The following SSH2 variants were observed in gnomAD, a reference collection of about 807,000 sequenced individuals.
SSH2 encodes the protein slingshot protein phosphatase 2.
In SSH2, 37 loss-of-function variants were observed where a neutral mutation model predicts 135.2. The ratio of observed to expected loss-of-function variants is 0.27; its 90% confidence interval spans 0.21 to 0.36. The LOEUF is 0.36. Ranked by LOEUF, SSH2 falls within the 10% of genes least tolerant of loss-of-function variation. The pLI, the probability that SSH2 is intolerant of heterozygous loss-of-function variation, is 1.00. For synonymous variants in SSH2, 628 were observed against 646.2 expected (o/e 0.97, Z 0.43); for missense variants, 1,408 against 1,765.3 (o/e 0.80, Z 3.63).
intron 3 of SSH2, among the ~76,000 whole-genome samples, chr17:29,758,290 C>T (rs2041193730): frequency 6.6e-6 from 1 of 152,132 alleles, no homozygotes. Flanking sequence ...CGGTTAAGGG[C>T]AGTGGCCTAG....
chr17:29,913,317 C>CA lies in SSH2; in HGVS notation c.63+16620dup, dbSNP rs1207663146. Among the ~76,000 whole-genome samples the CA allele has an allele frequency of 5.5e-3, 19 of 3,424 alleles. 6 individuals carry two copies. Among genetic ancestry groups the CA allele is most frequent in the Non-Finnish European group, 7.9e-3 (14 of 1,768 alleles). 2.2% of individuals were successfully genotyped at this position (3,424 alleles called of 152,430 possible). A position where few individuals can be genotyped will look rare whatever the true frequency, so the allele number is the denominator to read the frequency against. ...TGGGCGACAGAGCGAGACGCCATCTCAAAAAAAAAAAAAAAAAAAAAAAAA... is the reference window on the plus strand; with the variant it reads ...TGGGCGACAGAGCGAGACGCCATCTCAAAAAAAAAAAAAAAAAAAAAAAAAA... On this transcript the variant is annotated intron_variant, in intron 1 of 15. Coordinates refer to ENST00000540801, the MANE Select transcript of SSH2 (RefSeq NM_001282129.2).
chr17:29,884,856 G>GC (rs898280817), intron 1 of SSH2, among the ~76,000 whole-genome samples: 2 of 152,084 alleles, frequency 1.3e-5, no homozygotes, highest in Non-Finnish European at 1.5e-5. Flanking sequence ...CTTGGCAACT[G>GC]CAACAATCCA....
At chr17:29,917,809 T>C (rs1599193721) in intron 1 of SSH2, among the ~76,000 whole-genome samples, 1 of 151,750 alleles carries the variant, frequency 6.6e-6, no homozygotes, top group African/African-American at 2.4e-5. Context: ...GAGCCGAGAT[T>C]GCGCCACTGC....
chr17:29,768,289 A>T (rs1026361506), intron 3 of SSH2, among the ~76,000 whole-genome samples: 2 of 139,824 alleles, frequency 1.4e-5, no homozygotes, highest in African/African-American at 5.3e-5. Flanking sequence ...ATAAATGTAA[A>T]TTTTTTTTTT....
intron 1 of SSH2, among the ~76,000 whole-genome samples, chr17:29,882,839 T>G (rs185259824): frequency 4.7e-4 from 71 of 152,278 alleles, no homozygotes; most frequent in African/African-American, 1.5e-3. Context: ...TTTTAAAAAT[T>G]TTTCTGTAGA....
chr17:29,631,447 CTT>C lies in SSH2; in HGVS notation c.3745_3746del (p.Lys1249GlufsTer14). The C allele has an allele frequency of 1.2e-6, 2 of 1,614,154 alleles. No homozygotes were observed. The highest frequency in any genetic ancestry group is 1.1e-5 in the South Asian group (1 of 91,082). On this transcript the variant is annotated frameshift_variant, in exon 16 of 16. Transcript: ENST00000540801. LOFTEE classifies it high-confidence loss of function. ...CCACACCGGGGCTGTGGCTGAGACT[CTT>C]TATGTTTTCACTACTAGAGCTATGT... The part of the protein sequence containing the change: ...LPHSSSSENI[K>X]SLSHSPGVVK...
intron 11 of SSH2, among the ~76,000 whole-genome samples, chr17:29,663,368 G>A (rs920181137): frequency 3.3e-5 from 5 of 152,280 alleles, no homozygotes; most frequent in Middle Eastern, 6.8e-3. Flanking sequence ...CTCTTTTTCC[G>A]TGTCAACTGC....
intron 6 of SSH2, among the ~76,000 whole-genome samples, chr17:29,683,370 T>C (rs556997023): frequency 4.8e-4 from 73 of 152,298 alleles, no homozygotes; most frequent in African/African-American, 1.5e-3. Context: ...TCTTTCATCA[T>C]AGAATGTAAA....
chr17:29,646,658 C>A (rs957151786), intron 14 of SSH2, among the ~76,000 whole-genome samples: 30 of 151,888 alleles, frequency 2.0e-4, no homozygotes, highest in African/African-American at 6.8e-4. Flanking sequence ...CGCCACCATG[C>A]CTGGCTAATT....
At chr17:29,915,710 T>G (rs1164274014) in intron 1 of SSH2, among the ~76,000 whole-genome samples, 1 of 151,768 alleles carries the variant, frequency 6.6e-6, no homozygotes, top group Non-Finnish European at 1.5e-5. Context: ...TCCAGGGTCA[T>G]CACAAAATCA....
At chr17:29,722,974 G>A (rs2039872199) in intron 3 of SSH2, among the ~76,000 whole-genome samples, 1 of 152,214 alleles carries the variant, frequency 6.6e-6, no homozygotes, top group African/African-American at 2.4e-5. Flanking sequence ...CCTCATTTAT[G>A]AGCTACCCCT....
chr17:29,909,673 A>T (rs1480787635), intron 1 of SSH2, among the ~76,000 whole-genome samples: 1 of 152,196 alleles, frequency 6.6e-6, no homozygotes, highest in Non-Finnish European at 1.5e-5. Context: ...ATTCCCAAAT[A>T]TAAGAGTTAA....
chr17:29,803,314 A>T (rs2042283910), intron 2 of SSH2, among the ~76,000 whole-genome samples: 1 of 152,182 alleles, frequency 6.6e-6, no homozygotes, highest in Non-Finnish European at 1.5e-5. Context: ...TTAGCATATG[A>T]GCTGGTATGG....
At chr17:29,666,814 G>A (rs1471315738) in intron 11 of SSH2, 53 bp downstream of exon 11, 14 of 1,525,382 alleles carry the variant, frequency 9.2e-6, no homozygotes, top group Non-Finnish European at 1.2e-5. Flanking sequence ...CCCTGCCCAT[G>A]AGTCCATATG....
chr17:29,831,508 CT>C (rs1340945209), intron 2 of SSH2, among the ~76,000 whole-genome samples: 1 of 151,828 alleles, frequency 6.6e-6, no homozygotes, highest in Non-Finnish European at 1.5e-5. Context: ...AAAATTTTCA[CT>C]GTAAGATACC....
chr17:29,762,906 G>C (rs2041356915), intron 3 of SSH2, among the ~76,000 whole-genome samples: 1 of 152,122 alleles, frequency 6.6e-6, no homozygotes, highest in South Asian at 2.1e-4. Context: ...TAGAATTCTG[G>C]AGTCAGAAAT....
At chr17:29,878,043 C>A (rs558197223) in intron 1 of SSH2, among the ~76,000 whole-genome samples, 2 of 152,008 alleles carry the variant, frequency 1.3e-5, no homozygotes, top group Non-Finnish European at 2.9e-5. Context: ...CAAGATCATG[C>A]CACTGCACTC....
chr17:29,643,177 C>T (rs1567837770), intron 14 of SSH2: 2 of 985,248 alleles, frequency 2.0e-6, no homozygotes, highest in Non-Finnish European at 2.4e-6. Flanking sequence ...TCTAAGCAGG[C>T]AGATCTGGAG....
chr17:29,756,469 T>C (rs1302572755), intron 3 of SSH2, among the ~76,000 whole-genome samples: 1 of 117,804 alleles, frequency 8.5e-6, no homozygotes. Context: ...TATCTATCCA[T>C]CCACCCACCC....
Sources: gnomAD v4.1 joint callset for allele counts (sites outside exome capture counted in the v4.1 genomes callset) on GRCh38, gnomAD v4.1.1 for gene constraint, MANE v1.5 for transcripts, NCBI Gene and HGNC (gene_info 2026-07-23, HGNC 2026-07-21) for gene names.